SND1: variants seen among roughly 807,000 people sequenced by gnomAD.
SND1 encodes staphylococcal nuclease domain-containing protein 1.
SND1 carries 38 observed loss-of-function variants against 121.7 expected under a neutral mutation model. That is an observed-to-expected ratio of 0.31 (90% confidence interval 0.24 to 0.41). SND1 has a LOEUF of 0.41. Among genes scored for constraint, SND1 ranks in the 10% least tolerant of loss-of-function variants. The probability of loss-of-function intolerance (pLI) is 1.00; values close to 1 mark genes in which losing one functional copy is unlikely to be tolerated. For missense variants in SND1, 868 were observed against 1,184.6 expected, an observed-to-expected ratio of 0.73 and a Z score of 3.92; for synonymous variants, 401 against 447.4, an observed-to-expected ratio of 0.90 and a Z score of 1.31.
intron 16 of SND1, among the ~76,000 whole-genome samples, chr7:128,011,498 T>C (rs1299413654): frequency 6.6e-6 from 1 of 152,238 alleles, no homozygotes; most frequent in Non-Finnish European, 1.5e-5. Context: ...TTGGCTCTTT[T>C]ATTGTGTAAC....
At chr7:127,929,722 C>T (rs1381495803) in intron 15 of SND1, among the ~76,000 whole-genome samples, 1 of 152,220 alleles carries the variant, frequency 6.6e-6, no homozygotes, top group African/African-American at 2.4e-5. Flanking sequence ...AGCCAAGACA[C>T]TCTTCCCCTG....
intron 10 of SND1, among the ~76,000 whole-genome samples, chr7:127,767,015 A>G (rs1322650504): frequency 1.3e-5 from 2 of 151,974 alleles, no homozygotes; most frequent in Non-Finnish European, 2.9e-5. Context: ...ACACTGTGGC[A>G]CCCTAGATGT....
intron 2 of SND1, among the ~76,000 whole-genome samples, chr7:127,689,465 A>ATT (rs2116313398): frequency 6.6e-6 from 1 of 152,306 alleles, no homozygotes; most frequent in South Asian, 2.1e-4. Flanking sequence ...GAAGGGTTGG[A>ATT]TTTTAATTTC....
At chr7:127,748,219 C>T (rs1296457758) in intron 10 of SND1, among the ~76,000 whole-genome samples, 2 of 152,220 alleles carry the variant, frequency 1.3e-5, no homozygotes, top group African/African-American at 4.8e-5. Flanking sequence ...TCTCCTGTAT[C>T]TTCCTCTTGA....
intron 14 of SND1, among the ~76,000 whole-genome samples, chr7:127,912,326 G>T (rs1428857773): frequency 1.3e-5 from 2 of 152,058 alleles, no homozygotes; most frequent in African/African-American, 4.8e-5. Flanking sequence ...ACCTCCTTTT[G>T]TAGATCTTAG....
intron 1 of SND1, among the ~76,000 whole-genome samples, chr7:127,685,359 A>G (rs918181776): frequency 5.9e-5 from 9 of 152,058 alleles, no homozygotes; most frequent in African/African-American, 1.7e-4. Flanking sequence ...TTGTCTAAAC[A>G]GTGTTCTGTG....
chr7:127,665,209 C>T (rs1269116707), intron 1 of SND1, among the ~76,000 whole-genome samples: 12 of 148,300 alleles, frequency 8.1e-5, no homozygotes, highest in East Asian at 2.0e-4. Context: ...TTTTTTGAGA[C>T]GGAGTCTCAC....
chr7:127,864,020 T>G (rs1799425166), intron 12 of SND1, among the ~76,000 whole-genome samples: 8 of 152,210 alleles, frequency 5.3e-5, no homozygotes. Flanking sequence ...TGGTGTATAC[T>G]CTGGTGTTGA....
At chr7:128,028,110 T>C (rs1803531891) in intron 16 of SND1, 1 of 152,774 alleles carries the variant, frequency 6.5e-6, no homozygotes, top group Non-Finnish European at 1.5e-5. Context: ...TACAGGTCTA[T>C]CTTCCCCTTA....
intron 2 of SND1, among the ~76,000 whole-genome samples, chr7:127,691,419 G>T (rs1046727102): frequency 6.6e-6 from 1 of 151,526 alleles, no homozygotes; most frequent in Non-Finnish European, 1.5e-5. Flanking sequence ...TGGCATGTGC[G>T]TGTAGTCCCG....
intron 10 of SND1, among the ~76,000 whole-genome samples, chr7:127,723,655 C>T (rs1393195825): frequency 6.6e-6 from 1 of 152,106 alleles, no homozygotes; most frequent in Non-Finnish European, 1.5e-5. Flanking sequence ...GGTGATCTTC[C>T]CAGGTCAGCT....
At chr7:127,705,473 T>A (rs1440000926) in intron 8 of SND1, among the ~76,000 whole-genome samples, 1 of 152,244 alleles carries the variant, frequency 6.6e-6, no homozygotes, top group Non-Finnish European at 1.5e-5. Flanking sequence ...GTTTTTGACT[T>A]GTTGGCTATC....
chr7:128,039,504 C>G (rs1282593857), intron 16 of SND1, among the ~76,000 whole-genome samples: 2 of 151,290 alleles, frequency 1.3e-5, no homozygotes, highest in South Asian at 4.2e-4. Context: ...TTTTTTAATA[C>G]TGGAAAAATG....
chr7:127,978,362 T>C (rs1441219692), intron 15 of SND1, among the ~76,000 whole-genome samples: 1 of 152,172 alleles, frequency 6.6e-6, no homozygotes, highest in Non-Finnish European at 1.5e-5. Flanking sequence ...AGCAAAGGAC[T>C]TCTTCACAAG....
chr7:127,904,656 C>A, intron 13 of SND1, 91 bp from the exon 14 acceptor site: 1 of 789,016 alleles, frequency 1.3e-6, no homozygotes, highest in Non-Finnish European at 2.2e-6. Context: ...CCCACTTTAA[C>A]AACCCTCGCT....
chr7:127,880,730 T>C (rs575715421), intron 12 of SND1, among the ~76,000 whole-genome samples: 25 of 152,008 alleles, frequency 1.6e-4, no homozygotes, highest in African/African-American at 6.0e-4. Flanking sequence ...TGTGTGTGTG[T>C]GTGTGTGTAT....
intron 15 of SND1, among the ~76,000 whole-genome samples, chr7:127,961,589 A>G (rs1013054592): frequency 2.6e-5 from 4 of 152,196 alleles, no homozygotes; most frequent in Non-Finnish European, 5.9e-5. Context: ...TTTAAATACT[A>G]CTTTTGCCAT....
At chr7:128,043,330 TA>T (rs1384080878) in intron 16 of SND1, among the ~76,000 whole-genome samples, 3 of 152,144 alleles carry the variant, frequency 2.0e-5, no homozygotes, top group Admixed American at 2.0e-4. Context: ...AATATACATG[TA>T]ATAAGGCCAA....
In SND1 at chr7:128,013,369, G is replaced by A. The variant is rs572927031; in HGVS notation, c.1779+22313G>A. Among the ~76,000 whole-genome samples, 195 of 152,348 alleles carry A rather than the reference G, an allele frequency of 1.3e-3. 5 individuals are homozygous for A. The South Asian group carries it at 0.038, about 29-fold the overall frequency. On this transcript the variant is annotated intron_variant, in intron 16 of 23. Transcript: ENST00000354725. Reference sequence around the variant, plus strand: ...CCATCGTTCCCCAGCACCTGGCAGGGTGCGGATCACTATACTGGTTCTAAA... The same window carrying A: ...CCATCGTTCCCCAGCACCTGGCAGGATGCGGATCACTATACTGGTTCTAAA...
Sources: gnomAD v4.1 joint callset for allele counts (sites outside exome capture counted in the v4.1 genomes callset) on GRCh38, gnomAD v4.1.1 for gene constraint, MANE v1.5 for transcripts, NCBI Gene and HGNC (gene_info 2026-07-23, HGNC 2026-07-21) for gene names.